The following TMEM178B variants were observed in gnomAD, a reference collection of about 807,000 sequenced individuals.
TMEM178B encodes the protein transmembrane protein 178B.
Under a neutral mutation model 31.0 loss-of-function variants are expected in TMEM178B, and 5 were observed. The ratio of observed to expected loss-of-function variants is 0.16; its 90% CI spans 0.08 to 0.34. TMEM178B has a LOEUF of 0.34. Ranked by LOEUF, TMEM178B falls within the 10% of genes least tolerant of loss-of-function variation. TMEM178B has a pLI of 1.00. For missense variants in TMEM178B, 275 were observed against 400.3 expected (o/e 0.69, Z 2.67); for synonymous variants, 164 against 164.0 (o/e 1.00, Z 0.00).
intron 2 of TMEM178B, among the ~76,000 whole-genome samples, chr7:141,285,242 C>T (rs1798430299): frequency 6.7e-6 from 1 of 149,424 alleles, no homozygotes; most frequent in East Asian, 2.0e-4. Context: ...GCTCTGCCTC[C>T]CGGATTCACG....
chr7:141,195,594 G>A (rs9886005), intron 1 of TMEM178B, among the ~76,000 whole-genome samples: 148,598 of 152,302 alleles, frequency 0.98, 72,526 homozygotes, highest in East Asian at 1. Context: ...ACATTTTCCT[G>A]TCTTCTTCTG....
chr7:141,396,962 A>G (rs1341506912), intron 2 of TMEM178B, among the ~76,000 whole-genome samples: 2 of 152,266 alleles, frequency 1.3e-5, no homozygotes, highest in Non-Finnish European at 1.5e-5. Flanking sequence ...AAGAGAGCCA[A>G]CAGGACAAAA....
chr7:141,460,195 A>G (rs1802037312), intron 3 of TMEM178B, among the ~76,000 whole-genome samples: 1 of 152,218 alleles, frequency 6.6e-6, no homozygotes, highest in Non-Finnish European at 1.5e-5. Flanking sequence ...ATTTTCTTAC[A>G]GTTCCGGAAT....
At position 141,270,370 on chromosome 7, in the gene TMEM178B, C is replaced by T. The variant is rs1201227023; in HGVS notation, c.496+57666C>T. Among the ~76,000 whole-genome samples the T allele has an allele frequency of 5.9e-5, 9 of 152,024 alleles. 1 individual carries two copies. In the South Asian group the frequency reaches 1.0e-3, roughly 18 times the overall value. On this transcript the variant is annotated intron_variant, in intron 2 of 3. Coordinates refer to ENST00000565468, the MANE Select transcript of TMEM178B (RefSeq NM_001195278.2). ...TGTAGGTGGCACAATCTTGGCTCAC[C>T]GCAGCCTCTGCCTCCTGGGTTCAAG...
intron 2 of TMEM178B, among the ~76,000 whole-genome samples, chr7:141,335,237 G>C (rs1172255312): frequency 1.3e-5 from 2 of 152,138 alleles, no homozygotes; most frequent in Non-Finnish European, 2.9e-5. Context: ...GGGCAGAGGG[G>C]ATGAAGCTAC....
intron 2 of TMEM178B, among the ~76,000 whole-genome samples, chr7:141,389,293 A>G (rs1348141877): frequency 2.0e-5 from 3 of 152,202 alleles, no homozygotes; most frequent in South Asian, 2.1e-4. Flanking sequence ...GGGAAAGGGT[A>G]TCTGTTCTCT....
intron 1 of TMEM178B, among the ~76,000 whole-genome samples, chr7:141,131,804 GGGT>G (rs1188244118): frequency 1.4e-4 from 22 of 152,104 alleles, no homozygotes; most frequent in Non-Finnish European, 2.9e-4. Flanking sequence ...CATTTCTCTT[GGGT>G]AAATTCCTAA....
intron 3 of TMEM178B, among the ~76,000 whole-genome samples, chr7:141,441,787 C>T (rs759735057): frequency 6.6e-6 from 1 of 152,196 alleles, no homozygotes; most frequent in East Asian, 1.9e-4. Flanking sequence ...AGATGGCCTG[C>T]GCTGGGCACT....
chr7:141,189,970 C>G (rs1796670894), intron 1 of TMEM178B, among the ~76,000 whole-genome samples: 1 of 152,080 alleles, frequency 6.6e-6, no homozygotes, highest in Non-Finnish European at 1.5e-5. Flanking sequence ...TGAAACAGAC[C>G]CATATTCTTT....
At chr7:141,457,906 A>G (rs148085751) in intron 3 of TMEM178B, among the ~76,000 whole-genome samples, 276 of 152,374 alleles carry the variant, frequency 1.8e-3, no homozygotes, top group Non-Finnish European at 3.5e-3. Context: ...AAAGCCAGAT[A>G]CAGAAGAGTA....
At chr7:141,405,263 C>T (rs1586939054) in intron 2 of TMEM178B, among the ~76,000 whole-genome samples, 2 of 152,364 alleles carry the variant, frequency 1.3e-5, no homozygotes, top group African/African-American at 4.8e-5. Flanking sequence ...TACCTTGACT[C>T]ATGCCCAAAG....
chr7:141,251,369 G>A (rs1306744129), intron 2 of TMEM178B, among the ~76,000 whole-genome samples: 1 of 152,044 alleles, frequency 6.6e-6, no homozygotes, highest in Non-Finnish European at 1.5e-5. Context: ...CACATCATAT[G>A]TGTACCTGGG....
intron 1 of TMEM178B, among the ~76,000 whole-genome samples, chr7:141,092,557 G>T (rs1019503029): frequency 6.6e-6 from 1 of 152,046 alleles, no homozygotes; most frequent in Non-Finnish European, 1.5e-5. Context: ...TTATATATTC[G>T]CTTGTTCAAC....
At chr7:141,251,628 G>A (rs997112718) in intron 2 of TMEM178B, among the ~76,000 whole-genome samples, 16 of 152,054 alleles carry the variant, frequency 1.1e-4, no homozygotes, top group Non-Finnish European at 1.3e-4. Context: ...GTCAAATAGC[G>A]ACAGTAATAA....
At chr7:141,116,416 T>C (rs1005154963) in intron 1 of TMEM178B, among the ~76,000 whole-genome samples, 1 of 152,136 alleles carries the variant, frequency 6.6e-6, no homozygotes, top group Non-Finnish European at 1.5e-5. Context: ...GATGCTAGAT[T>C]CAAATGTTTA....
At position 141,480,047 on chromosome 7, in the gene TMEM178B, G is replaced by A. The variant is rs1402059255; in HGVS notation, c.*9261G>A. 2.0e-5 allele frequency: 3 copies of A among 152,156 alleles called. No homozygotes were observed. Among genetic ancestry groups the A allele is most frequent in the East Asian group, 1.9e-4 (1 of 5,196 alleles). 9.4% of individuals were successfully genotyped at this position (152,156 alleles called of 1,614,324 possible). A position where few individuals can be genotyped will look rare whatever the true frequency, so the allele number is the denominator to read the frequency against. On this transcript the variant is annotated 3_prime_UTR_variant, in exon 4 of 4. Coordinates refer to ENST00000565468, the MANE Select transcript of TMEM178B (RefSeq NM_001195278.2). ...ATAATTAATTAATTACAGGAAAGGC[G>A]ATTCAAACCAGATCTTGAAACTATT...
chr7:141,252,325 A>T (rs1797847426), intron 2 of TMEM178B, among the ~76,000 whole-genome samples: 1 of 152,168 alleles, frequency 6.6e-6, no homozygotes, highest in African/African-American at 2.4e-5. Context: ...TGGGGGTCTG[A>T]GCCCTCTGTC....
intron 1 of TMEM178B, among the ~76,000 whole-genome samples, chr7:141,149,788 G>A (rs944705134): frequency 3.3e-5 from 5 of 152,206 alleles, no homozygotes; most frequent in African/African-American, 1.2e-4. Context: ...GAAGGGTTCC[G>A]CCCTGCGGGT....
chr7:141,093,485 A>C (rs1277067151), intron 1 of TMEM178B, among the ~76,000 whole-genome samples: 4 of 152,220 alleles, frequency 2.6e-5, no homozygotes, highest in African/African-American at 9.6e-5. Context: ...CTGGATATAT[A>C]GGACCGAGTT....
Sources: allele counts gnomAD v4.1 joint callset (sites outside exome capture counted in the v4.1 genomes callset), GRCh38; gene constraint gnomAD v4.1.1; transcripts MANE v1.5; gene names NCBI Gene and HGNC (gene_info 2026-07-23, HGNC 2026-07-21).